The following EMB variants were observed in gnomAD, a reference collection of about 807,000 sequenced individuals.
EMB encodes the protein embigin homolog.
In EMB, 31 loss-of-function variants were observed where a neutral mutation model predicts 41.4. The observed-to-expected ratio is 0.75, with a 90% CI of 0.56 to 1.01. The LOEUF is 1.01. Among genes scored for constraint, EMB ranks in the 50% least tolerant of loss-of-function variants. EMB has a pLI of 0.00. For missense variants in EMB, 379 were observed against 388.3 expected (o/e 0.98, Z 0.20); for synonymous variants, 137 against 140.4 (o/e 0.98, Z 0.17).
intron 2 of EMB, among the ~76,000 whole-genome samples, chr5:50,413,854 G>A (rs756713633): frequency 2.6e-5 from 4 of 152,068 alleles, no homozygotes; most frequent in Non-Finnish European, 4.4e-5. Flanking sequence ...ATGAGCCACC[G>A]CACCTGGCCT....
At chr5:50,430,110 C>T (rs1400028104) in intron 1 of EMB, among the ~76,000 whole-genome samples, 1 of 151,998 alleles carries the variant, frequency 6.6e-6, no homozygotes, top group African/African-American at 2.4e-5. Flanking sequence ...ATTCTTGGGG[C>T]TAGCATACTT....
At chr5:50,406,027 T>C (rs1745243236) in intron 4 of EMB, among the ~76,000 whole-genome samples, 175 bp from the exon 5 acceptor site, 1 of 151,934 alleles carries the variant, frequency 6.6e-6, no homozygotes, top group African/African-American at 2.4e-5. Flanking sequence ...GTAATAATAA[T>C]AGTAGATAGA....
At chr5:50,425,122 C>T (rs1237514992) in intron 2 of EMB, among the ~76,000 whole-genome samples, 2 of 152,158 alleles carry the variant, frequency 1.3e-5, no homozygotes, top group Non-Finnish European at 2.9e-5. Flanking sequence ...TTCTTTTCTT[C>T]TTCTCAATCT....
chr5:50,436,699 C>T (rs574702398), intron 1 of EMB, among the ~76,000 whole-genome samples: 1 of 152,318 alleles, frequency 6.6e-6, no homozygotes, highest in South Asian at 2.1e-4. Flanking sequence ...GGCTGCCCTC[C>T]TGCCTGATGC....
chr5:50,428,113 AATTGCATT>A (rs767769421), intron 2 of EMB, 23 bp downstream of exon 2: 2 of 1,501,032 alleles, frequency 1.3e-6, no homozygotes, highest in African/African-American at 1.4e-5. Flanking sequence ...CTTTTTTTCG[AATTGCATT>A]ATTTGAAACA....
chr5:50,440,357 A>G (rs1375937442), intron 1 of EMB, among the ~76,000 whole-genome samples: 1 of 152,050 alleles, frequency 6.6e-6, no homozygotes, highest in Non-Finnish European at 1.5e-5. Context: ...AATGTGGAGA[A>G]GCCCAGTCTC....
At chr5:50,400,593 C>T (rs1186430230) in intron 7 of EMB, among the ~76,000 whole-genome samples, 3 of 151,886 alleles carry the variant, frequency 2.0e-5, no homozygotes, top group Non-Finnish European at 4.4e-5. Context: ...TAAGAAAACA[C>T]CTCAGCAACT....
At chr5:50,432,562 T>TTAAAATATCTAATTACTAAG (rs1745736895) in intron 1 of EMB, among the ~76,000 whole-genome samples, 2 of 152,128 alleles carry the variant, frequency 1.3e-5, no homozygotes, top group African/African-American at 4.8e-5. Flanking sequence ...AAACTTAGCT[T>TTAAAATATCTAATTACTAAG]TAAAATACCT....
chr5:50,421,623 T>C (rs537978710), intron 2 of EMB, among the ~76,000 whole-genome samples: 4 of 151,906 alleles, frequency 2.6e-5, no homozygotes, highest in Non-Finnish European at 5.9e-5. Context: ...CTATTCACAA[T>C]AGCAAAGACT....
rs763964196 is a variant in EMB, at chr5:50,403,411, G to A, written c.644C>T (p.Thr215Ile). 3 of 1,612,314 alleles carry A rather than the reference G, an allele frequency of 1.9e-6. No homozygotes were observed. The highest frequency in any genetic ancestry group is 2.2e-5 in the East Asian group (1 of 44,832). ...CTTCAGCTTTGTTTCGTTAGCATAT[G>A]TTCCATTGATCACATATTTATTCAT... ...VQMNKYVING[T>I]YANETKLKIT... The change falls in exon 6 of 9, where the codon ACA becomes ATA. Residue 215 changes from threonine (T) to isoleucine (I), a missense_variant. Coordinates refer to ENST00000303221, the MANE Select transcript of EMB (RefSeq NM_198449.3).
chr5:50,415,661 C>G (rs1450066064), intron 2 of EMB, among the ~76,000 whole-genome samples: 2 of 152,134 alleles, frequency 1.3e-5, no homozygotes, highest in African/African-American at 4.8e-5. Flanking sequence ...GCTATTTTGT[C>G]TAAGATTACA....
chr5:50,437,195 C>G lies in EMB; in HGVS notation c.112+3845G>C, dbSNP rs568564064. Among the ~76,000 whole-genome samples the G allele has an allele frequency of 2.0e-5, 3 of 152,180 alleles. No individual in the cohort carries two copies. In the South Asian group the frequency reaches 6.2e-4, roughly 32 times the overall value. The stretch of plus-strand genomic sequence containing the variant: ...CTGAAGTGGGAGGATCTCTTGAGCC[C>G]AGAAGGTCAAGGCTGCCCTGAGCCA... On this transcript the variant is annotated intron_variant, in intron 1 of 8. Coordinates refer to ENST00000303221, the MANE Select transcript of EMB (RefSeq NM_198449.3).
At chr5:50,440,320 G>A (rs1282943643) in intron 1 of EMB, among the ~76,000 whole-genome samples, 1 of 152,068 alleles carries the variant, frequency 6.6e-6, no homozygotes, top group Non-Finnish European at 1.5e-5. Context: ...GATCACCTCA[G>A]GTTGGGAGTT....
At chr5:50,433,003 G>A (rs1394280452) in intron 1 of EMB, among the ~76,000 whole-genome samples, 7 of 151,968 alleles carry the variant, frequency 4.6e-5, no homozygotes, top group East Asian at 1.9e-4. Flanking sequence ...GCTTGAACCC[G>A]GCAGTCGGAG....
chr5:50,411,465 AGT>A, intron 2 of EMB, 82 bp from the exon 3 acceptor site: 1 of 901,028 alleles, frequency 1.1e-6, no homozygotes, highest in Non-Finnish European at 1.6e-6. Context: ...TATTAACAGC[AGT>A]GTTTCATTGA....
At chr5:50,429,967 TTTC>T (rs1579741713) in intron 1 of EMB, among the ~76,000 whole-genome samples, 1 of 79,996 alleles carries the variant, frequency 1.3e-5, no homozygotes, top group East Asian at 3.9e-4. Context: ...CCCAACTCTC[TTTC>T]TCTCTCTCTC....
chr5:50,433,290 G>C (rs543569462), intron 1 of EMB, among the ~76,000 whole-genome samples: 262 of 151,716 alleles, frequency 1.7e-3, no homozygotes, highest in South Asian at 3.7e-3. Context: ...TACCAGTCTT[G>C]TAAAACTATT....
Position 50,406,645 on chromosome 5 carries a change from T to C in EMB, c.473-793A>G, listed in dbSNP as rs117635782. On this transcript the variant is annotated intron_variant, in intron 4 of 8. Coordinates refer to ENST00000303221, the MANE Select transcript of EMB (RefSeq NM_198449.3). ...CTGATTGACCTTTAAAGATGTATTA[T>C]AGAAGGTACACTTACACTGAAGATG... is the stretch of plus-strand genomic sequence containing the variant. Among the ~76,000 whole-genome samples, 70 of 152,140 alleles carry C rather than the reference T, an allele frequency of 4.6e-4. 1 individual carries two copies. In the East Asian group the frequency reaches 0.011, roughly 25 times the overall value.
At chr5:50,421,339 A>G (rs574627372) in intron 2 of EMB, among the ~76,000 whole-genome samples, 3 of 152,210 alleles carry the variant, frequency 2.0e-5, no homozygotes, top group African/African-American at 4.8e-5. Flanking sequence ...TCAAAACCAC[A>G]ATGAGATACC....
Sources: gnomAD v4.1 joint callset for allele counts (sites outside exome capture counted in the v4.1 genomes callset) on GRCh38, gnomAD v4.1.1 for gene constraint, MANE v1.5 for transcripts, NCBI Gene and HGNC (gene_info 2026-07-23, HGNC 2026-07-21) for gene names.